Variants in PLCL2 observed in about 807,000 individuals in gnomAD.
PLCL2 encodes inactive phospholipase C-like protein 2.
PLCL2 carries 4 observed loss-of-function variants against 79.6 expected under a neutral mutation model. The ratio of observed to expected loss-of-function variants is 0.05; its 90% CI spans 0.02 to 0.11. The LOEUF is 0.11. PLCL2 is among the 10% of genes least tolerant of loss of function. The pLI is 1.00. For missense variants in PLCL2, 895 were observed against 1,291.0 expected (o/e 0.69, Z 4.70); for synonymous variants, 484 against 457.7 (o/e 1.06, Z -0.73).
intron 1 of PLCL2, among the ~76,000 whole-genome samples, chr3:16,963,753 A>G (rs2063777406): frequency 6.6e-6 from 1 of 152,174 alleles, no homozygotes; most frequent in South Asian, 2.1e-4. Flanking sequence ...CCATTGTACA[A>G]ATGAGTTAAT....
intron 1 of PLCL2, among the ~76,000 whole-genome samples, chr3:17,002,424 A>G (rs1304683285): frequency 7.9e-5 from 12 of 152,160 alleles, no homozygotes; most frequent in Admixed American, 7.9e-4. Context: ...TAAAAAATGG[A>G]CATCCTTGTC....
chr3:16,960,018 T>C (rs1354009443), intron 1 of PLCL2, among the ~76,000 whole-genome samples: 1 of 152,018 alleles, frequency 6.6e-6, no homozygotes, highest in Non-Finnish European at 1.5e-5. Context: ...GGCAGGAGAA[T>C]GGCGTGAACC....
In PLCL2 at chr3:16,886,016, C is replaced by A. The variant is rs540558271; in HGVS notation, c.327+650C>A. Among the ~76,000 whole-genome samples the A allele has an allele frequency of 6.6e-6, 1 of 152,162 alleles. No individual in the cohort carries two copies. Among genetic ancestry groups the A allele is most frequent in the Non-Finnish European group, 1.5e-5 (1 of 68,034 alleles). ...CTTTTTCCTTGCTGCAGTAGGCAGG[C>A]CTCGAGTACTGTGGAAGTTCTTTTG... On this transcript the variant is annotated intron_variant, in intron 1 of 5. Coordinates refer to ENST00000615277, the MANE Select transcript of PLCL2 (RefSeq NM_001144382.2). This position sits in a 1 kb window ranked among gnomAD's most constrained non-coding sequence, Gnocchi z 4.2.
intron 1 of PLCL2, among the ~76,000 whole-genome samples, chr3:16,912,398 G>A (rs763779222): frequency 6.6e-6 from 1 of 152,164 alleles, no homozygotes; most frequent in Non-Finnish European, 1.5e-5. Flanking sequence ...TCAAAAGAAA[G>A]AATGTATATA....
At chr3:17,004,042 G>A (rs2064235808) in intron 1 of PLCL2, among the ~76,000 whole-genome samples, 1 of 152,080 alleles carries the variant, frequency 6.6e-6, no homozygotes, top group African/African-American at 2.4e-5. Flanking sequence ...TTCCATGGTG[G>A]CCACATCTTC....
chr3:17,050,236 G>T (rs537813322), intron 4 of PLCL2, among the ~76,000 whole-genome samples: 157 of 152,214 alleles, frequency 1.0e-3, no homozygotes, highest in African/African-American at 3.5e-3. Context: ...AAACATTGGG[G>T]AAACTTTCCA....
intron 3 of PLCL2, among the ~76,000 whole-genome samples, chr3:17,031,536 A>G (rs1417084047): frequency 6.6e-6 from 1 of 152,210 alleles, no homozygotes; most frequent in Non-Finnish European, 1.5e-5. Context: ...GAAAAGCTGA[A>G]AAGTGGCTGG....
chr3:17,012,945 T>C (rs1184182252), intron 2 of PLCL2, among the ~76,000 whole-genome samples: 1 of 152,224 alleles, frequency 6.6e-6, no homozygotes, highest in Non-Finnish European at 1.5e-5. Flanking sequence ...TTAAAAATTA[T>C]ATTTTAAAAT....
chr3:16,932,677 A>G (rs1331879433), intron 1 of PLCL2, among the ~76,000 whole-genome samples: 1 of 152,146 alleles, frequency 6.6e-6, no homozygotes, highest in Non-Finnish European at 1.5e-5. Context: ...ACGGTAGCTG[A>G]TCAGTGCTAG....
chr3:17,036,367 T>C (rs1310173928), intron 3 of PLCL2, among the ~76,000 whole-genome samples: 1 of 152,220 alleles, frequency 6.6e-6, no homozygotes, highest in African/African-American at 2.4e-5. Flanking sequence ...AAATGGTGCC[T>C]CTTCCATTAG....
At chr3:16,960,655 T>C (rs545069407) in intron 1 of PLCL2, among the ~76,000 whole-genome samples, 1 of 152,318 alleles carries the variant, frequency 6.6e-6, no homozygotes, top group Non-Finnish European at 1.5e-5. Context: ...CACCAAAATA[T>C]CTCTGAATCA....
chr3:16,912,942 C>T (rs564379726), intron 1 of PLCL2, among the ~76,000 whole-genome samples: 2 of 152,292 alleles, frequency 1.3e-5, no homozygotes, highest in East Asian at 3.9e-4. Context: ...CTGTCTCCAA[C>T]ACATGCTTAG....
intron 1 of PLCL2, among the ~76,000 whole-genome samples, chr3:16,904,754 G>A (rs1056244787): frequency 2.6e-5 from 4 of 151,652 alleles, no homozygotes; most frequent in African/African-American, 4.9e-5. Context: ...TCATGGGGGC[G>A]GTTACCTCCA....
chr3:16,890,591 T>C (rs1696323127), intron 1 of PLCL2, among the ~76,000 whole-genome samples: 1 of 152,252 alleles, frequency 6.6e-6, no homozygotes, highest in African/African-American at 2.4e-5. Flanking sequence ...TTCTTCCTTC[T>C]TAATACTAAG....
intron 3 of PLCL2, among the ~76,000 whole-genome samples, chr3:17,027,516 A>G (rs1167753854): frequency 2.0e-5 from 3 of 152,218 alleles, no homozygotes; most frequent in Admixed American, 6.5e-5. Context: ...TCTGTACAGA[A>G]CAAATTTGCC....
intron 4 of PLCL2, among the ~76,000 whole-genome samples, chr3:17,045,840 G>C (rs956507816): frequency 6.6e-6 from 1 of 152,164 alleles, no homozygotes; most frequent in Non-Finnish European, 1.5e-5. Flanking sequence ...AGATAATACA[G>C]AAAGCCGTGA....
intron 4 of PLCL2, among the ~76,000 whole-genome samples, chr3:17,051,644 C>G (rs1474865182): frequency 2.6e-5 from 4 of 152,090 alleles, no homozygotes; most frequent in African/African-American, 9.7e-5. Flanking sequence ...TGTGCAGATG[C>G]AGTCAGGTTT....
At chr3:16,889,924 G>C (rs1696308425) in intron 1 of PLCL2, among the ~76,000 whole-genome samples, 1 of 152,040 alleles carries the variant, frequency 6.6e-6, no homozygotes, top group South Asian at 2.1e-4. Flanking sequence ...CAAACCTGTG[G>C]GCACATCATA....
At position 17,009,948 on chromosome 3, in the gene PLCL2, A is replaced by G. The variant is rs1575584774; in HGVS notation, c.602A>G (p.Asp201Gly). Residue 201 changes from aspartate (D) to glycine (G), a missense_variant, in exon 2 of 6, where the codon GAC (aspartate) becomes GGC (glycine). This residue lies in a region of PLCL2 where 129 missense variants were observed against 208.8 expected (regional missense o/e 0.62). Transcript: ENST00000615277. The surrounding 1 kb of genome is among the most constrained non-coding windows in gnomAD (Gnocchi z 4.0). ...GAAGTGAGAACAGGAAAAAACACAG[A>G]CATATTCCGCAGCAATGGCATTTCT... Reference protein sequence around the residue: ...IKEVRTGKNTDIFRSNGISDQ... With the variant: ...IKEVRTGKNTGIFRSNGISDQ... 1 of 1,614,110 alleles carries G rather than the reference A, an allele frequency of 6.2e-7. No individual in the cohort carries two copies. The highest frequency in any genetic ancestry group is 8.5e-7 in the Non-Finnish European group (1 of 1,179,976).
Sources: gnomAD v4.1 joint callset for allele counts (sites outside exome capture counted in the v4.1 genomes callset) on GRCh38, gnomAD v4.1.1 for gene constraint, gnomAD v4.1.1 regional missense constraint, Gnocchi (gnomAD v3.1) non-coding constraint, MANE v1.5 for transcripts, NCBI Gene and HGNC (gene_info 2026-07-23, HGNC 2026-07-21) for gene names.